CCDC178: variants seen among roughly 807,000 people sequenced by gnomAD.
CCDC178 encodes coiled-coil domain containing 178.
A neutral mutation model predicts 117.4 loss-of-function variants in CCDC178; 126 were observed. That is an observed-to-expected ratio of 1.07 (90% CI 0.93 to 1.24). The LOEUF (loss-of-function observed/expected upper bound fraction) is 1.24. Ranked by LOEUF, CCDC178 falls within the 50% of genes most tolerant of loss-of-function variation. The pLI is 0.00. For missense variants in CCDC178, 1,030 were observed against 986.9 expected (o/e 1.04, Z -0.59); for synonymous variants, 283 against 313.4 (o/e 0.90, Z 1.02).
intron 21 of CCDC178, among the ~76,000 whole-genome samples, chr18:33,092,383 C>T (rs964458041): frequency 2.0e-5 from 3 of 151,792 alleles, no homozygotes; most frequent in African/African-American, 7.3e-5. Flanking sequence ...AAATAGTTAC[C>T]AGAATTTGGA....
At chr18:33,365,980 T>C (rs1481245579) in intron 6 of CCDC178, among the ~76,000 whole-genome samples, 1 of 152,050 alleles carries the variant, frequency 6.6e-6, no homozygotes, top group African/African-American at 2.4e-5. Flanking sequence ...TCAGTGGAGA[T>C]TCAAATTGCA....
chr18:33,149,990 A>C (rs1164686601), intron 20 of CCDC178, among the ~76,000 whole-genome samples: 5 of 152,226 alleles, frequency 3.3e-5, no homozygotes, highest in African/African-American at 1.2e-4. Flanking sequence ...ACTTCAAATT[A>C]TACTACAGGG....
intron 21 of CCDC178, among the ~76,000 whole-genome samples, chr18:32,993,266 C>A (rs893697359): frequency 6.6e-6 from 1 of 152,146 alleles, no homozygotes; most frequent in African/African-American, 2.4e-5. Flanking sequence ...AAATTAAGGA[C>A]TGGCTAAAAC....
At chr18:33,261,157 C>T (rs1487047655) in intron 14 of CCDC178, among the ~76,000 whole-genome samples, 2 of 152,056 alleles carry the variant, frequency 1.3e-5, no homozygotes, top group Non-Finnish European at 2.9e-5. Flanking sequence ...GAGCTCGGCT[C>T]ACTGCGAGCT....
At chr18:33,383,591 C>G (rs2063462300) in intron 5 of CCDC178, among the ~76,000 whole-genome samples, 1 of 152,038 alleles carries the variant, frequency 6.6e-6, no homozygotes, top group Non-Finnish European at 1.5e-5. Context: ...GAGTGGACAC[C>G]TAGCAAACTG....
intron 21 of CCDC178, among the ~76,000 whole-genome samples, chr18:33,029,064 A>T (rs1445529554): frequency 6.6e-6 from 1 of 151,938 alleles, no homozygotes; most frequent in Non-Finnish European, 1.5e-5. Context: ...TTGCTCTGCT[A>T]GCTTTTGGAA....
At chr18:33,268,553 T>A (rs867688017) in intron 12 of CCDC178, among the ~76,000 whole-genome samples, 2 of 151,814 alleles carry the variant, frequency 1.3e-5, no homozygotes, top group Non-Finnish European at 2.9e-5. Context: ...ACTTGCATAA[T>A]CTTGGGCTAA....
At chr18:33,339,812 G>A (rs1422413335) in intron 9 of CCDC178, among the ~76,000 whole-genome samples, 7 of 151,884 alleles carry the variant, frequency 4.6e-5, no homozygotes, top group East Asian at 1.9e-4. Context: ...TTTCACCACC[G>A]GTCATAATTC....
At chr18:33,239,537 A>G (rs2059461998) in intron 15 of CCDC178, among the ~76,000 whole-genome samples, 1 of 151,868 alleles carries the variant, frequency 6.6e-6, no homozygotes, top group Non-Finnish European at 1.5e-5. Context: ...ACAAACAGAA[A>G]CCAAAAGTGA....
At chr18:32,945,437 C>T (rs1161439361) in intron 22 of CCDC178, among the ~76,000 whole-genome samples, 1 of 152,126 alleles carries the variant, frequency 6.6e-6, no homozygotes, top group African/African-American at 2.4e-5. Context: ...TTTAGCATTG[C>T]ATTTTAATTT....
At chr18:33,077,716 C>A (rs1184887071) in intron 21 of CCDC178, among the ~76,000 whole-genome samples, 2 of 152,036 alleles carry the variant, frequency 1.3e-5, no homozygotes, top group African/African-American at 4.8e-5. Context: ...TACACACTCC[C>A]AAGAGTGAAT....
intron 20 of CCDC178, among the ~76,000 whole-genome samples, chr18:33,190,581 C>T (rs887482847): frequency 6.6e-6 from 1 of 152,154 alleles, no homozygotes; most frequent in Non-Finnish European, 1.5e-5. Context: ...AAAGCTTATA[C>T]ATTCTACATA....
At chr18:32,994,132 C>A (rs1255496038) in intron 21 of CCDC178, among the ~76,000 whole-genome samples, 2 of 152,090 alleles carry the variant, frequency 1.3e-5, no homozygotes, top group African/African-American at 4.8e-5. Context: ...CTCAGAGTTA[C>A]CCATGAATCT....
chr18:33,227,816 G>A (rs979887269), intron 15 of CCDC178, among the ~76,000 whole-genome samples: 3 of 151,722 alleles, frequency 2.0e-5, no homozygotes, highest in African/African-American at 7.3e-5. Flanking sequence ...ACATGAAGGT[G>A]GTAAATAAAG....
chr18:32,960,112 A>G (rs900598964), intron 22 of CCDC178, among the ~76,000 whole-genome samples: 1 of 152,140 alleles, frequency 6.6e-6, no homozygotes, highest in Admixed American at 6.6e-5. Flanking sequence ...GCTACATCAT[A>G]TTGACACATT....
chr18:33,327,584 T>C (rs1859478003), intron 10 of CCDC178, among the ~76,000 whole-genome samples: 1 of 152,206 alleles, frequency 6.6e-6, no homozygotes. Context: ...CAAATTACAA[T>C]GGTTCCAGTG....
chr18:33,155,676 C>T (rs911753932), intron 20 of CCDC178, among the ~76,000 whole-genome samples: 1 of 152,070 alleles, frequency 6.6e-6, no homozygotes, highest in Non-Finnish European at 1.5e-5. Flanking sequence ...AACACTTCTT[C>T]GGACCTACTT....
At chr18:33,219,282 G>A (rs1228381672) in intron 18 of CCDC178, among the ~76,000 whole-genome samples, 1 of 152,128 alleles carries the variant, frequency 6.6e-6, no homozygotes, top group Non-Finnish European at 1.5e-5. Flanking sequence ...AACAACAGGT[G>A]CTGGAGAGGA....
At chr18:33,394,943 G>GTATATATATATATATA (rs61298209) in intron 4 of CCDC178, among the ~76,000 whole-genome samples, 28 of 61,504 alleles carry the variant, frequency 4.6e-4, no homozygotes, top group African/African-American at 6.0e-4. Flanking sequence ...ATATGTATGT[G>GTATATATATATATATA]TATATATATA....
Sources: gnomAD v4.1 joint callset for allele counts (sites outside exome capture counted in the v4.1 genomes callset) on GRCh38, gnomAD v4.1.1 for gene constraint, MANE v1.5 for transcripts, NCBI Gene and HGNC (gene_info 2026-07-23, HGNC 2026-07-21) for gene names.